The following CLCA2 variants were observed in gnomAD, a reference collection of about 807,000 sequenced individuals.
The protein encoded by CLCA2 is chloride channel accessory 2, also known as calcium-activated chloride channel regulator 2.
A neutral mutation model predicts 82.9 loss-of-function variants in CLCA2; 85 were observed. That is an observed-to-expected ratio of 1.03 (90% CI 0.86 to 1.23). The LOEUF (loss-of-function observed/expected upper bound fraction) is 1.23. Among genes scored for constraint, CLCA2 ranks in the 50% most tolerant of loss-of-function variants. The pLI is 0.00. For missense variants in CLCA2, 1,089 were observed against 1,124.8 expected (o/e 0.97, Z 0.45); for synonymous variants, 421 against 391.7 (o/e 1.07, Z -0.88).
intron 11 of CLCA2, among the ~76,000 whole-genome samples, chr1:86,450,285 G>A (rs1219874514): frequency 6.6e-6 from 1 of 152,108 alleles, no homozygotes; most frequent in African/African-American, 2.4e-5. Context: ...TATTTTCAAT[G>A]ATAAGTACAA....
Position 86,438,970 on chromosome 1 carries a change from G to C in CLCA2, c.1067G>C (p.Ser356Thr), listed in dbSNP as rs778378749. The change falls in exon 7 of 14, where the codon AGC becomes ACC. Residue 356 changes from serine to threonine, a missense_variant. Ser to Thr is a moderately conservative substitution (Grantham distance 58, BLOSUM62 1). Coordinates refer to ENST00000370565, the MANE Select transcript of CLCA2 (RefSeq NM_006536.7). Reference protein sequence around the residue: ...HTFVGIASFDSKGEIRAQLHQ... With the variant: ...HTFVGIASFDTKGEIRAQLHQ... ...TTCGTGGGCATTGCCAGTTTCGACA[G>C]CAAAGGAGAGATCAGAGCCCAGCTA... 6.2e-7 allele frequency: 1 copy of C among 1,614,118 alleles called. No homozygotes were observed. Among genetic ancestry groups the C allele is most frequent in the South Asian group, 1.1e-5 (1 of 91,084 alleles).
At chr1:86,439,718 G>T (rs556865500) in intron 7 of CLCA2, among the ~76,000 whole-genome samples, 70 of 152,252 alleles carry the variant, frequency 4.6e-4, no homozygotes, top group Admixed American at 9.8e-4. Flanking sequence ...AAATACTAAT[G>T]TGTGAGTCTA....
chr1:86,425,027 T>C (rs1444064167), intron 1 of CLCA2, among the ~76,000 whole-genome samples: 1 of 152,190 alleles, frequency 6.6e-6, no homozygotes, highest in African/African-American at 2.4e-5. Context: ...TAAGGTGTGG[T>C]CTTGAATGTG....
intron 2 of CLCA2, among the ~76,000 whole-genome samples, chr1:86,427,937 T>A (rs146685400): frequency 6.6e-6 from 1 of 152,294 alleles, no homozygotes; most frequent in East Asian, 1.9e-4. Context: ...TGTTCTATTG[T>A]CTTACACCAA....
intron 12 of CLCA2, among the ~76,000 whole-genome samples, chr1:86,452,473 C>T (rs542205447): frequency 6.6e-6 from 1 of 152,136 alleles, no homozygotes; most frequent in Non-Finnish European, 1.5e-5. Flanking sequence ...TTCTTCCCTG[C>T]AGCATGTAAC....
chr1:86,436,988 A>G (rs1450299722), intron 6 of CLCA2, among the ~76,000 whole-genome samples: 2 of 152,240 alleles, frequency 1.3e-5, no homozygotes, highest in Non-Finnish European at 2.9e-5. Flanking sequence ...TGCTGGGATT[A>G]CAGGCATGAG....
chr1:86,430,868 T>A lies in CLCA2; in HGVS notation c.482T>A (p.Val161Glu), dbSNP rs770238488. The A allele has an allele frequency of 1.9e-6, 3 of 1,612,998 alleles. No individual in the cohort carries two copies. The change falls in exon 4 of 14, where the codon GTG becomes GAG. Residue 161 changes from valine (V) to glutamate (E), a missense_variant. Val to Glu is a moderately radical substitution (Grantham distance 121). Coordinates refer to ENST00000370565, the MANE Select transcript of CLCA2 (RefSeq NM_006536.7). ...LTAGYGSRGR[V>E]FVHEWAHLRW... ...AAAGTTCTTTCTTCCGCAGGCCGAGTGTTTGTCCATGAATGGGCCCACCTC... is the reference window on the plus strand; with the variant it reads ...AAAGTTCTTTCTTCCGCAGGCCGAGAGTTTGTCCATGAATGGGCCCACCTC...
intron 4 of CLCA2, among the ~76,000 whole-genome samples, chr1:86,431,779 G>A (rs1279758477): frequency 6.6e-6 from 1 of 152,104 alleles, no homozygotes; most frequent in Non-Finnish European, 1.5e-5. Context: ...GGATTTCCTA[G>A]TATCTTTTGC....
At chr1:86,453,641 C>A in intron 13 of CLCA2, 39 bp downstream of exon 13, 1 of 1,550,268 alleles carries the variant, frequency 6.5e-7, no homozygotes, top group Non-Finnish European at 8.9e-7. Flanking sequence ...TTCCATAAGA[C>A]AGCATTTCTA....
In CLCA2 at chr1:86,455,300, A is replaced by G; in HGVS notation, c.2605A>G (p.Met869Val). ...CAGAATTTATGTTGCAATACGAGCA[A>G]TGGATAGGAACTCCTTACAGTCTGC... is the stretch of plus-strand genomic sequence containing the variant. ...SHRIYVAIRA[M>V]DRNSLQSAVS... The change falls in exon 14 of 14, where the codon ATG (methionine) becomes GTG (valine). Residue 869 changes from methionine to valine, a missense_variant. Physicochemically the swap from Met to Val is conservative, Grantham distance 21. Transcript: ENST00000370565. 6.2e-7 allele frequency: 1 copy of G among 1,614,130 alleles called. No individual in the cohort carries two copies. The highest frequency in any genetic ancestry group is 8.5e-7 in the Non-Finnish European group (1 of 1,180,004).
intron 4 of CLCA2, 26 bp from the exon 5 acceptor site, chr1:86,432,343 T>C (rs1424972564): frequency 1.2e-6 from 2 of 1,610,204 alleles, no homozygotes; most frequent in Non-Finnish European, 8.5e-7. Context: ...ATAGACCTAA[T>C]TCCCAGTTTC....
intron 4 of CLCA2, among the ~76,000 whole-genome samples, chr1:86,431,859 A>C (rs554072464): frequency 6.6e-6 from 1 of 152,346 alleles, no homozygotes; most frequent in East Asian, 1.9e-4. Flanking sequence ...ATGCTTTAAA[A>C]TAAAATAGAG....
At chr1:86,454,649 G>A (rs549210183) in intron 13 of CLCA2, among the ~76,000 whole-genome samples, 2 of 151,932 alleles carry the variant, frequency 1.3e-5, no homozygotes, top group East Asian at 1.9e-4. Context: ...AAAATAAGCC[G>A]GGCATGGTGG....
chr1:86,427,408 A>C (rs576273339), intron 2 of CLCA2, among the ~76,000 whole-genome samples: 36 of 152,220 alleles, frequency 2.4e-4, no homozygotes, highest in African/African-American at 8.4e-4. Context: ...TCTAAAAATA[A>C]ATGTTAATTA....
intron 5 of CLCA2, 34 bp from the exon 6 acceptor site, chr1:86,434,484 G>A (rs1469640033): frequency 6.4e-7 from 1 of 1,553,226 alleles, no homozygotes; most frequent in Non-Finnish European, 8.9e-7. Context: ...TGGGAGAAGT[G>A]CCTCTCTTTA....
intron 7 of CLCA2, among the ~76,000 whole-genome samples, chr1:86,439,495 A>C (rs1003819822): frequency 2.0e-5 from 3 of 152,204 alleles, no homozygotes; most frequent in Non-Finnish European, 4.4e-5. Context: ...TAGTCATTCT[A>C]GACTTCACGC....
chr1:86,453,324 C>A (rs372275088), intron 12 of CLCA2, 45 bp from the exon 13 acceptor site: 6 of 1,473,856 alleles, frequency 4.1e-6, no homozygotes, highest in Admixed American at 1.7e-5. Flanking sequence ...TATTCAGAAG[C>A]TTTGTAATTT....
intron 3 of CLCA2, among the ~76,000 whole-genome samples, chr1:86,429,458 G>C (rs1662450927): frequency 6.6e-6 from 1 of 152,184 alleles, no homozygotes; most frequent in South Asian, 2.1e-4. Context: ...GAAAAAACCA[G>C]CTTCAAGAAG....
chr1:86,431,303 A>C (rs985594794), intron 4 of CLCA2, among the ~76,000 whole-genome samples: 5 of 152,222 alleles, frequency 3.3e-5, no homozygotes, highest in Non-Finnish European at 5.9e-5. Flanking sequence ...TTCTTCAGGC[A>C]AATTCAAATG....
Sources: allele counts gnomAD v4.1 joint callset (sites outside exome capture counted in the v4.1 genomes callset), GRCh38; gene constraint gnomAD v4.1.1; transcripts MANE v1.5; gene names NCBI Gene and HGNC (gene_info 2026-07-23, HGNC 2026-07-21).